The following STK3 variants were observed in gnomAD, a reference collection of about 807,000 sequenced individuals.
STK3 encodes serine/threonine kinase 3.
Under a neutral mutation model 58.0 loss-of-function variants are expected in STK3, and 41 were observed. The observed-to-expected ratio is 0.71, with a 90% CI of 0.55 to 0.92. STK3 has a LOEUF of 0.92. STK3 is among the 40% of genes least tolerant of loss of function. The pLI is 0.00. For missense variants in STK3, 479 were observed against 602.7 expected, an observed-to-expected ratio of 0.79 and a Z score of 2.15; for synonymous variants, 170 against 191.0, an observed-to-expected ratio of 0.89 and a Z score of 0.91.
At chr8:98,926,557 G>GCACA (rs566913625) in intron 1 of STK3, among the ~76,000 whole-genome samples, 137 of 150,766 alleles carry the variant, frequency 9.1e-4, no homozygotes, top group African/African-American at 3.2e-3. Context: ...ACACACACAT[G>GCACA]CACACACACA....
intron 1 of STK3, among the ~76,000 whole-genome samples, chr8:98,913,152 C>A (rs1839216807): frequency 2.0e-5 from 3 of 151,018 alleles, no homozygotes; most frequent in Admixed American, 2.0e-4. Flanking sequence ...AATCATTAAG[C>A]AGAGGAACCT....
At chr8:98,486,767 T>C (rs139526637) in intron 10 of STK3, among the ~76,000 whole-genome samples, 5 of 152,286 alleles carry the variant, frequency 3.3e-5, no homozygotes, top group African/African-American at 9.6e-5. Flanking sequence ...CTCAGTGTGA[T>C]ACAATATTAA....
At chr8:98,643,207 C>T (rs948896287) in intron 6 of STK3, among the ~76,000 whole-genome samples, 17 of 152,006 alleles carry the variant, frequency 1.1e-4, no homozygotes, top group Admixed American at 1.3e-4. Context: ...CCAGCCTGGG[C>T]GACAGAGAGC....
intron 1 of STK3, among the ~76,000 whole-genome samples, chr8:98,810,905 T>C (rs1013212437): frequency 1.3e-5 from 2 of 152,134 alleles, no homozygotes; most frequent in Admixed American, 6.6e-5. Context: ...TGGCACCTCC[T>C]CTTCTCTCTT....
chr8:98,586,221 T>C (rs1178847160), intron 7 of STK3, among the ~76,000 whole-genome samples: 10 of 151,808 alleles, frequency 6.6e-5, no homozygotes, highest in Admixed American at 3.3e-4. Context: ...CAGTATGATA[T>C]TGGCTGTGGG....
At chr8:98,613,614 T>TC (rs1410005996) in intron 6 of STK3, among the ~76,000 whole-genome samples, 1 of 150,186 alleles carries the variant, frequency 6.7e-6, no homozygotes, top group African/African-American at 2.5e-5. Context: ...AAAAGAAAAC[T>TC]CTTAAAAAAA....
intron 10 of STK3, among the ~76,000 whole-genome samples, chr8:98,495,365 CTTTTTTTT>C (rs113438031): frequency 6.7e-6 from 1 of 149,606 alleles, no homozygotes; most frequent in Non-Finnish European, 1.5e-5. Flanking sequence ...ATTACAGGTA[CTTTTTTTT>C]TTCCTGAAAG....
intron 10 of STK3, among the ~76,000 whole-genome samples, chr8:98,509,708 GA>G (rs1252257714): frequency 6.6e-6 from 1 of 151,782 alleles, no homozygotes; most frequent in East Asian, 1.9e-4. Context: ...GACATATACA[GA>G]AAGAGAAGTA....
chr8:98,656,354 A>C (rs924549105), intron 6 of STK3, among the ~76,000 whole-genome samples: 5 of 151,836 alleles, frequency 3.3e-5, no homozygotes, highest in Admixed American at 3.3e-4. Context: ...AGGTGGGGGG[A>C]GGGATAGCAT....
chr8:98,911,265 C>T (rs1160390543), intron 1 of STK3, among the ~76,000 whole-genome samples: 1 of 152,036 alleles, frequency 6.6e-6, no homozygotes, highest in Admixed American at 6.6e-5. Context: ...TTAGGTAGAC[C>T]ACAACTAATT....
chr8:98,509,015 C>G (rs1206479671), intron 10 of STK3, among the ~76,000 whole-genome samples: 1 of 152,052 alleles, frequency 6.6e-6, no homozygotes, highest in East Asian at 1.9e-4. Context: ...AAACTCGACC[C>G]ACATTTGCCC....
intron 3 of STK3, among the ~76,000 whole-genome samples, chr8:98,758,679 A>G (rs1187018161): frequency 6.6e-6 from 1 of 152,244 alleles, no homozygotes; most frequent in Admixed American, 6.5e-5. Context: ...CTCTCTAGCT[A>G]GGAAAGTCCT....
intron 6 of STK3, among the ~76,000 whole-genome samples, chr8:98,699,978 C>A (rs1167976804): frequency 1.3e-5 from 2 of 152,226 alleles, no homozygotes; most frequent in Non-Finnish European, 2.9e-5. Flanking sequence ...GTGAAGCCTA[C>A]AGAGGCAGGC....
chr8:98,611,101 G>C (rs1233381764), intron 6 of STK3, among the ~76,000 whole-genome samples: 1 of 151,996 alleles, frequency 6.6e-6, no homozygotes, highest in African/African-American at 2.4e-5. Flanking sequence ...ACAAGCAGAG[G>C]TCAGCACAGA....
intron 3 of STK3, among the ~76,000 whole-genome samples, chr8:98,406,859 G>A (rs1262646248): frequency 1.3e-5 from 2 of 152,134 alleles, no homozygotes; most frequent in African/African-American, 2.4e-5. Context: ...CTTCCTGTGC[G>A]ATATACAGAC....
intron 10 of STK3, among the ~76,000 whole-genome samples, chr8:98,497,424 T>TAA (rs888864021): frequency 3.4e-5 from 5 of 149,072 alleles, no homozygotes; most frequent in Middle Eastern, 3.4e-3. Context: ...AAAGCACTAG[T>TAA]AAAAAAAAAG....
At chr8:98,562,738 A>G (rs1273455091) in intron 8 of STK3, among the ~76,000 whole-genome samples, 5 of 76,818 alleles carry the variant, frequency 6.5e-5, no homozygotes, top group African/African-American at 2.0e-4. Context: ...ACAAAAAATG[A>G]AAAAAAAAAA....
intron 3 of STK3, chr8:98,413,454 G>C (rs1818078044): frequency 3.4e-6 from 2 of 586,482 alleles, no homozygotes; most frequent in Admixed American, 1.9e-5. Context: ...CTTGTGTACT[G>C]TTCTGTAACT....
chr8:98,694,925 C>A (rs562426630), intron 6 of STK3, among the ~76,000 whole-genome samples: 2 of 152,338 alleles, frequency 1.3e-5, no homozygotes, highest in African/African-American at 4.8e-5. Context: ...AGAATCGCCA[C>A]ACTGACTTCC....
Sources: allele counts gnomAD v4.1 joint callset (sites outside exome capture counted in the v4.1 genomes callset), GRCh38; gene constraint gnomAD v4.1.1; transcripts MANE v1.5; gene names NCBI Gene and HGNC (gene_info 2026-07-23, HGNC 2026-07-21).